TENM3: variants seen among roughly 807,000 people sequenced by gnomAD.
TENM3 encodes teneurin-3.
Under a neutral mutation model 255.1 loss-of-function variants are expected in TENM3, and 63 were observed. The ratio of observed to expected loss-of-function variants is 0.25; its 90% CI spans 0.20 to 0.30. The LOEUF (loss-of-function observed/expected upper bound fraction) is 0.30, where lower values mean the gene tolerates loss of function less well. Among genes scored for constraint, TENM3 ranks in the 10% least tolerant of loss-of-function variants. TENM3 has a pLI of 1.00. For synonymous variants in TENM3, 1,306 were observed against 1,322.3 expected (o/e 0.99, Z 0.27); for missense variants, 2,929 against 3,461.1 (o/e 0.85, Z 3.86).
the TENM3 span, among the ~76,000 whole-genome samples, chr4:181,525,396 CAAAAA>C: frequency 2.8e-4 from 27 of 97,290 alleles, no homozygotes; most frequent in Non-Finnish European, 3.7e-4. Context: ...GACCCTGTTT[CAAAAA>C]AAAAAAAAAA....
chr4:182,139,438 C>T (rs1425541656), upstream of TENM3, among the ~76,000 whole-genome samples: 1 of 152,124 alleles, frequency 6.6e-6, no homozygotes, highest in Non-Finnish European at 1.5e-5. Flanking sequence ...ATAAGCTGGA[C>T]CCTGAAATAT....
At chr4:182,545,494 G>T (rs1741349125) in intron 3 of TENM3, among the ~76,000 whole-genome samples, 1 of 151,830 alleles carries the variant, frequency 6.6e-6, no homozygotes, top group South Asian at 2.1e-4. Context: ...CTGAATCTCA[G>T]TTCTCTCTTG....
At chr4:181,518,182 A>G in the TENM3 span, among the ~76,000 whole-genome samples, 1 of 152,336 alleles carries the variant, frequency 6.6e-6, no homozygotes, top group South Asian at 2.1e-4. Flanking sequence ...CCTGTGGAAG[A>G]AACTGTTCCA....
chr4:181,708,479 A>G, the TENM3 span, among the ~76,000 whole-genome samples: 3 of 152,168 alleles, frequency 2.0e-5, no homozygotes, highest in South Asian at 4.1e-4. Flanking sequence ...ACATCAATTC[A>G]ACCTTCATGA....
In TENM3 at chr4:182,776,273, G is replaced by A. The variant is rs1246550871; in HGVS notation, c.5304+1120G>A. ...CTAAAAATACAAAAATCAGCCAGGCGTGGAGGTGGGTCCCTGTAATCCCAG... is the reference window on the plus strand; with the variant it reads ...CTAAAAATACAAAAATCAGCCAGGCATGGAGGTGGGTCCCTGTAATCCCAG... On this transcript the variant is annotated intron_variant, in intron 24 of 27. Transcript: ENST00000511685. Among the ~76,000 whole-genome samples, 16 of 152,122 alleles carry A rather than the reference G, an allele frequency of 1.1e-4. 1 individual carries two copies.
chr4:182,215,628 G>A (rs1755408178), intron 1 of TENM3, among the ~76,000 whole-genome samples: 1 of 152,078 alleles, frequency 6.6e-6, no homozygotes, highest in Non-Finnish European at 1.5e-5. Flanking sequence ...TAGCAGTTGG[G>A]GTCACAGAAA....
intron 26 of TENM3, among the ~76,000 whole-genome samples, chr4:182,794,984 T>G (rs1018330533): frequency 6.6e-6 from 1 of 152,156 alleles, no homozygotes; most frequent in African/African-American, 2.4e-5. Flanking sequence ...TATTTTGGTT[T>G]TGTTTTGGCT....
At chr4:181,708,509 G>A in the TENM3 span, among the ~76,000 whole-genome samples, 4 of 151,906 alleles carry the variant, frequency 2.6e-5, no homozygotes, top group African/African-American at 9.7e-5. Context: ...TTGGGTTTGG[G>A]TTTCTGGGGG....
chr4:182,726,376 A>ATGGCAAAAACCTTAAAGGTCTTTG (rs11271130), intron 13 of TENM3, among the ~76,000 whole-genome samples: 1 of 151,988 alleles, frequency 6.6e-6, no homozygotes, highest in African/African-American at 2.4e-5. Flanking sequence ...AGCGCAGCTT[A>ATGGCAAAAACCTTAAAGGTCTTTG]TGTCTGTGTC....
the TENM3 span, among the ~76,000 whole-genome samples, chr4:181,738,166 T>C: frequency 0.037 from 5,616 of 152,308 alleles, 157 homozygotes; most frequent in Middle Eastern, 0.12. Flanking sequence ...GCACGAGCTA[T>C]ATACCTGTAA....
chr4:182,226,261 G>C (rs1395140098), intron 1 of TENM3, among the ~76,000 whole-genome samples: 1 of 152,064 alleles, frequency 6.6e-6, no homozygotes, highest in Non-Finnish European at 1.5e-5. Context: ...GAAGAGGCTG[G>C]ATTCCTAGGA....
chr4:181,651,635 A>C, the TENM3 span, among the ~76,000 whole-genome samples: 1 of 152,102 alleles, frequency 6.6e-6, no homozygotes, highest in East Asian at 1.9e-4. Flanking sequence ...TTTGTAACCT[A>C]TACTAGGCAT....
the TENM3 span, among the ~76,000 whole-genome samples, chr4:181,646,883 A>G: frequency 6.6e-5 from 10 of 152,236 alleles, no homozygotes; most frequent in Non-Finnish European, 1.2e-4. Flanking sequence ...GACTTAGGAT[A>G]CATTTTCAGT....
At chr4:181,450,489 G>A in the TENM3 span, among the ~76,000 whole-genome samples, 2 of 152,174 alleles carry the variant, frequency 1.3e-5, no homozygotes, top group Non-Finnish European at 2.9e-5. Context: ...CTCCTTTTCC[G>A]CCTAACAATT....
At chr4:182,433,594 G>A (rs1020023309) in intron 3 of TENM3, among the ~76,000 whole-genome samples, 3 of 152,152 alleles carry the variant, frequency 2.0e-5, no homozygotes, top group South Asian at 2.1e-4. Context: ...AAATCACTTC[G>A]TCAAGTGCAA....
the TENM3 span, among the ~76,000 whole-genome samples, chr4:181,491,437 T>C: frequency 1.3e-5 from 2 of 151,956 alleles, no homozygotes; most frequent in Admixed American, 6.6e-5. Flanking sequence ...TATTTTCTCA[T>C]TTTCTCTGCT....
chr4:181,969,828 G>T, the TENM3 span, among the ~76,000 whole-genome samples: 1 of 152,174 alleles, frequency 6.6e-6, no homozygotes, highest in Non-Finnish European at 1.5e-5. Flanking sequence ...TAAACATTTT[G>T]CAAGTTTGGA....
chr4:182,011,831 T>A, the TENM3 span, among the ~76,000 whole-genome samples: 1 of 152,060 alleles, frequency 6.6e-6, no homozygotes, highest in South Asian at 2.1e-4. Flanking sequence ...AAGGCAGAGG[T>A]GATGCTGCGT....
chr4:182,292,156 A>C (rs1453298549), intron 1 of TENM3, among the ~76,000 whole-genome samples: 2 of 152,168 alleles, frequency 1.3e-5, no homozygotes, highest in African/African-American at 4.8e-5. Flanking sequence ...TTTTAATGAG[A>C]AAAATATGAT....
Sources: gnomAD v4.1 joint callset for allele counts (sites outside exome capture counted in the v4.1 genomes callset) on GRCh38, gnomAD v4.1.1 for gene constraint, MANE v1.5 for transcripts, NCBI Gene and HGNC (gene_info 2026-07-23, HGNC 2026-07-21) for gene names.